STAT5A: variants seen among roughly 807,000 people sequenced by gnomAD.
The protein encoded by STAT5A is epididymis secretory sperm binding protein.
STAT5A carries 26 observed loss-of-function variants against 100.2 expected under a neutral mutation model. That is an observed-to-expected ratio of 0.26 (90% CI 0.19 to 0.36). The LOEUF is 0.36. STAT5A is among the 10% of genes least tolerant of loss of function. The pLI is 1.00. For synonymous variants in STAT5A, 330 were observed against 424.3 expected, an observed-to-expected ratio of 0.78 and a Z score of 2.73; for missense variants, 634 against 1,027.5, an observed-to-expected ratio of 0.62 and a Z score of 5.24.
chr17:42,297,056 C>T (rs903441104), intron 5 of STAT5A, among the ~76,000 whole-genome samples: 1 of 151,994 alleles, frequency 6.6e-6, no homozygotes, highest in Non-Finnish European at 1.5e-5. Context: ...TCAGCCTCCT[C>T]AGTAGCTGGG....
At chr17:42,305,819 A>G in intron 12 of STAT5A, 117 bp downstream of exon 12, 1 of 1,061,528 alleles carries the variant, frequency 9.4e-7, no homozygotes, top group Non-Finnish European at 1.4e-6. Context: ...GCCAGCCCAG[A>G]GGTGAGGTGA....
In STAT5A at chr17:42,308,413, G is replaced by A. The variant is rs575212355; in HGVS notation, c.2062+80G>A. 4.4e-5 allele frequency: 71 copies of A among 1,596,372 alleles called. 1 individual carries two copies. In the African/African-American group the frequency reaches 7.2e-4, roughly 16 times the overall value. ...CATAGACAAAGCCTTGGGCTGCGCC[G>A]TGGGGACTTCCCCAGGAGGAGCCTA... On this transcript the variant is annotated intron_variant, in intron 16 of 18. Transcript: ENST00000590949. This position sits in a 1 kb window ranked among gnomAD's most constrained non-coding sequence, Gnocchi z 4.6.
chr17:42,290,656 G>A (rs920057644), intron 3 of STAT5A, among the ~76,000 whole-genome samples: 2 of 152,190 alleles, frequency 1.3e-5, no homozygotes, highest in Non-Finnish European at 2.9e-5. Flanking sequence ...AGAAGCCTGA[G>A]GGGAAGCAAT....
At chr17:42,303,641 T>G in intron 9 of STAT5A, among the ~76,000 whole-genome samples, 1 of 151,030 alleles carries the variant, frequency 6.6e-6, no homozygotes. Context: ...ACCTGGGAGG[T>G]GGAGGTTGTG....
Position 42,307,386 on chromosome 17 carries a change from G to T in STAT5A, c.1681-16G>T, listed in dbSNP as rs981179866. 1.9e-6 allele frequency: 3 copies of T among 1,612,348 alleles called. No homozygotes were observed. Among genetic ancestry groups the T allele is most frequent in the Non-Finnish European group, 2.5e-6 (3 of 1,179,240 alleles). ...CTGGGGCACCAGCCCTGACTCGGGGGTTCCTGGGCCCTCAGGAGAACTTGC... is the reference window on the plus strand; with the variant it reads ...CTGGGGCACCAGCCCTGACTCGGGGTTTCCTGGGCCCTCAGGAGAACTTGC... On this transcript the variant is annotated splice_polypyrimidine_tract_variant and intron_variant, in intron 13 of 18. Transcript: ENST00000590949.
rs375131176 is a variant in STAT5A at position 42,289,878 on chromosome 17, C to G, written c.141C>G (p.Asp47Glu). Reference protein sequence around the residue: ...WIESQPWDAIDLDNPQDRAQA... With the variant: ...WIESQPWDAIELDNPQDRAQA... ...GCCCTGCCCCAAGGGATGCCATTGA[C>G]TTGGACAATCCCCAGGACAGAGCCC... Residue 47 changes from aspartate to glutamate, a missense_variant, in exon 3 of 19, where the codon GAC becomes GAG. By Grantham distance (45) the Asp-to-Glu change is conservative. Coordinates refer to ENST00000590949, the MANE Select transcript of STAT5A (RefSeq NM_001288718.2). 3 of 1,574,142 alleles carry G rather than the reference C, an allele frequency of 1.9e-6. No individual in the cohort carries two copies. Among genetic ancestry groups the G allele is most frequent in the Non-Finnish European group, 2.6e-6 (3 of 1,159,382 alleles).
chr17:42,291,946 T>C, intron 3 of STAT5A, 26 bp from the exon 4 acceptor site: 1 of 1,611,958 alleles, frequency 6.2e-7, no homozygotes, highest in Non-Finnish European at 8.5e-7. Context: ...AGGATGGCGC[T>C]GGAGGCTACT....
intron 5 of STAT5A, among the ~76,000 whole-genome samples, chr17:42,296,660 G>C (rs1335066711): frequency 6.6e-6 from 1 of 151,092 alleles, no homozygotes; most frequent in Non-Finnish European, 1.5e-5. Flanking sequence ...TTTTTTTTGA[G>C]ACAATCTTGC....
At chr17:42,298,873 G>T (rs6503693) in intron 5 of STAT5A, among the ~76,000 whole-genome samples, 30,369 of 152,064 alleles carry the variant, frequency 0.2, 3,174 homozygotes, top group East Asian at 0.35. Context: ...TGGTGTGGAG[G>T]GAAGCCGCCT....
chr17:42,287,598 G>A (rs2080825800), upstream of STAT5A: 2 of 152,358 alleles, frequency 1.3e-5, no homozygotes, highest in African/African-American at 4.8e-5. Flanking sequence ...TCGAAGTTAG[G>A]AGGACTCAAG....
At chr17:42,289,773 C>T (rs1171557918) in intron 2 of STAT5A, 93 bp from the exon 3 acceptor site, 4 of 1,440,372 alleles carry the variant, frequency 2.8e-6, no homozygotes, top group Non-Finnish European at 3.7e-6. Context: ...TGCCCTCGGT[C>T]ATGAGCCTGG....
At chr17:42,307,270 C>G in intron 13 of STAT5A, 132 bp from the exon 14 acceptor site, 1 of 839,400 alleles carries the variant, frequency 1.2e-6, no homozygotes, top group Non-Finnish European at 1.9e-6. Flanking sequence ...ACTTTATGGT[C>G]TGCTGGAGTG....
chr17:42,305,503 A>G, intron 11 of STAT5A, 107 bp from the exon 12 acceptor site: 2 of 396,730 alleles, frequency 5.0e-6, no homozygotes, highest in Admixed American at 4.4e-5. Flanking sequence ...ACTCCATATC[A>G]AAAAAAAAAA....
At chr17:42,306,843 C>T (rs1466839779) in intron 13 of STAT5A, among the ~76,000 whole-genome samples, 1 of 152,110 alleles carries the variant, frequency 6.6e-6, no homozygotes, top group Non-Finnish European at 1.5e-5. Context: ...CCTCAGCCTC[C>T]TGAGTAGCTG....
chr17:42,308,915 C>T lies in STAT5A; in HGVS notation c.2063-132C>T. On this transcript the variant is annotated intron_variant, in intron 16 of 18. Transcript: ENST00000590949. This position sits in a 1 kb window ranked among gnomAD's most constrained non-coding sequence, Gnocchi z 4.6. ...CATCAGCTGGTGTTTATTGGGGGTC[C>T]TTGGGAAATCTCATCCCAGCTGAGA... 8.5e-7 allele frequency: 1 copy of T among 1,178,780 alleles called. No homozygotes were observed. Among genetic ancestry groups the T allele is most frequent in the South Asian group, 1.4e-5 (1 of 74,044 alleles). The allele number at this position is 1,178,780 out of a possible 1,614,324, so 73.0% of individuals were successfully genotyped here.
chr17:42,307,771 GT>G, intron 15 of STAT5A, 48 bp downstream of exon 15: 2 of 1,594,726 alleles, frequency 1.3e-6, no homozygotes, highest in Non-Finnish European at 1.7e-6. Flanking sequence ...CCGGTCTCTT[GT>G]TCCCTTGCCC....
Position 42,295,773 on chromosome 17 carries a change from A to G in STAT5A, c.530A>G (p.Gln177Arg). 1 of 1,614,066 alleles carries G rather than the reference A, an allele frequency of 6.2e-7. No homozygotes were observed. Among genetic ancestry groups the G allele is most frequent in the Non-Finnish European group, 8.5e-7 (1 of 1,180,002 alleles). The change falls in exon 5 of 19, where the codon CAG becomes CGG. Residue 177 changes from glutamine to arginine, a missense_variant. This residue lies in a region of STAT5A where 207 missense variants were observed against 256.6 expected (regional missense o/e 0.81). Transcript: ENST00000590949. ...QTQEYFIIQY[Q>R]ESLRIQAQFA... ...CAGGAGTACTTCATCATCCAGTACCAGGAGAGCCTGAGGATCCAAGGTGAG... is the reference window on the plus strand; with the variant it reads ...CAGGAGTACTTCATCATCCAGTACCGGGAGAGCCTGAGGATCCAAGGTGAG...
chr17:42,308,931 C>A lies in STAT5A; in HGVS notation c.2063-116C>A. 7.4e-7 allele frequency: 1 copy of A among 1,347,696 alleles called. No individual in the cohort carries two copies. Among genetic ancestry groups the A allele is most frequent in the Non-Finnish European group, 1.1e-6 (1 of 949,250 alleles). The allele number at this position is 1,347,696 out of a possible 1,614,324, so 83.5% of individuals were successfully genotyped here. A position where few individuals can be genotyped will look rare whatever the true frequency, so the allele number is the denominator to read the frequency against. On this transcript the variant is annotated intron_variant, in intron 16 of 18. Coordinates refer to ENST00000590949, the MANE Select transcript of STAT5A (RefSeq NM_001288718.2). The surrounding 1 kb of genome is among the most constrained non-coding windows in gnomAD (Gnocchi z 4.6). ...TTGGGGGTCCTTGGGAAATCTCATCCCAGCTGAGAACACAAGGTGATGTGA... is the reference window on the plus strand; with the variant it reads ...TTGGGGGTCCTTGGGAAATCTCATCACAGCTGAGAACACAAGGTGATGTGA...
chr17:42,297,041 A>G (rs1020245306), intron 5 of STAT5A, among the ~76,000 whole-genome samples: 2 of 151,182 alleles, frequency 1.3e-5, no homozygotes, highest in Non-Finnish European at 1.5e-5. Flanking sequence ...AACTATTCTC[A>G]TGCCTCAGCC....
Sources: gnomAD v4.1 joint callset for allele counts (sites outside exome capture counted in the v4.1 genomes callset) on GRCh38, gnomAD v4.1.1 for gene constraint, gnomAD v4.1.1 regional missense constraint, Gnocchi (gnomAD v3.1) non-coding constraint, MANE v1.5 for transcripts, NCBI Gene and HGNC (gene_info 2026-07-23, HGNC 2026-07-21) for gene names.